MRTFB: variants seen among roughly 807,000 people sequenced by gnomAD.
The protein encoded by MRTFB is myocardin-related transcription factor B.
In MRTFB, 29 loss-of-function variants were observed where a neutral mutation model predicts 104.2. The observed-to-expected ratio is 0.28, with a 90% CI of 0.21 to 0.38. The LOEUF is 0.38. Ranked by LOEUF, MRTFB falls within the 10% of genes least tolerant of loss-of-function variation. The pLI, the probability that MRTFB is intolerant of heterozygous loss-of-function variation, is 1.00. For synonymous variants in MRTFB, 535 were observed against 519.5 expected (o/e 1.03, Z -0.41); for missense variants, 1,270 against 1,341.6 (o/e 0.95, Z 0.83).
intron 2 of MRTFB, among the ~76,000 whole-genome samples, chr16:14,106,853 T>G (rs978285692): frequency 6.6e-6 from 1 of 152,048 alleles, no homozygotes; most frequent in African/African-American, 2.4e-5. Context: ...GCTTCCAACT[T>G]AGTTGAGAAT....
intron 3 of MRTFB, among the ~76,000 whole-genome samples, chr16:14,157,952 A>C (rs1001156889): frequency 6.6e-6 from 1 of 152,180 alleles, no homozygotes; most frequent in Non-Finnish European, 1.5e-5. Context: ...TTGAAAATGT[A>C]ATTATTTGAA....
Position 14,083,939 on chromosome 16 carries a change from T to C in MRTFB, c.-64+4585T>C, listed in dbSNP as rs547287828. ...AGTATTTTTTTGAGATAACAAGGTT[T>C]CTAATTGGAATATACCTTTTAGGTT... On this transcript the variant is annotated intron_variant, in intron 2 of 16. Transcript: ENST00000571589. Among the ~76,000 whole-genome samples, 3 of 152,314 alleles carry C rather than the reference T, an allele frequency of 2.0e-5. No homozygotes were observed. The East Asian group carries it at 5.8e-4, about 29-fold the overall frequency.
chr16:14,079,202 T>C, intron 1 of MRTFB, 88 bp from the exon 2 acceptor site: 1 of 320,408 alleles, frequency 3.1e-6, no homozygotes. Context: ...CCAGTTTATC[T>C]TAGACTTCAC....
At chr16:14,227,735 C>T (rs2042073869) in intron 8 of MRTFB, among the ~76,000 whole-genome samples, 1 of 152,116 alleles carries the variant, frequency 6.6e-6, no homozygotes, top group Non-Finnish European at 1.5e-5. Flanking sequence ...TGGTCTCAAA[C>T]TCCTGACCTC....
rs756700929 is a variant in MRTFB at position 14,212,370 on chromosome 16, G to T, written c.237G>T (p.Ala79=). 1.5e-5 allele frequency: 24 copies of T among 1,613,732 alleles called. 1 individual carries two copies. The Middle Eastern group carries it at 1.8e-3, about 122-fold the overall frequency. The change falls in exon 5 of 17, where the codon GCG becomes GCT. Residue 79 remains alanine (A), a synonymous_variant. Coordinates refer to ENST00000571589, the MANE Select transcript of MRTFB (RefSeq NM_001308142.2). The stretch of plus-strand genomic sequence containing the variant: ...TTCTCACAGCTTTGAAGAGCCCAGC[G>T]GCATTCCATGAACAGATAAAAAGCT... ...QGIMPPLKSP[A]AFHEQIKSLE...
chr16:14,248,742 T>A, intron 12 of MRTFB, 184 bp from the exon 13 acceptor site: 1 of 576,114 alleles, frequency 1.7e-6, no homozygotes, highest in Non-Finnish European at 3.0e-6. Context: ...TGGTCTGATG[T>A]TTCCCTCTCT....
intron 9 of MRTFB, among the ~76,000 whole-genome samples, chr16:14,236,333 A>G (rs147655839): frequency 1.0e-4 from 16 of 152,382 alleles, no homozygotes; most frequent in Non-Finnish European, 2.4e-4. Context: ...TGATAATTAA[A>G]GTGATTTCCA....
chr16:14,076,447 G>A (rs550871525), intron 1 of MRTFB, among the ~76,000 whole-genome samples: 7 of 152,202 alleles, frequency 4.6e-5, no homozygotes, highest in South Asian at 4.2e-4. Flanking sequence ...CACCTGCATC[G>A]GCCTCCCAAA....
At chr16:14,242,416 ATTATT>A (rs2042813311) in intron 10 of MRTFB, among the ~76,000 whole-genome samples, 1 of 152,224 alleles carries the variant, frequency 6.6e-6, no homozygotes, top group Non-Finnish European at 1.5e-5. Context: ...ATTTTTGTGT[ATTATT>A]TAACCACAAA....
chr16:14,169,051 TAAATATATAGGAAGTTA>T (rs895200125), intron 3 of MRTFB, among the ~76,000 whole-genome samples: 1 of 152,210 alleles, frequency 6.6e-6, no homozygotes, highest in Non-Finnish European at 1.5e-5. Context: ...TAGTAATTTT[TAAATATATAGGAAGTTA>T]AAGAAGTGTT....
intron 9 of MRTFB, among the ~76,000 whole-genome samples, chr16:14,234,734 G>T (rs570079810): frequency 1.3e-3 from 197 of 152,228 alleles, no homozygotes; most frequent in Non-Finnish European, 1.4e-3. Context: ...GTTTGAGGCT[G>T]CAGTGAGCTG....
the MRTFB span, among the ~76,000 whole-genome samples, chr16:14,043,890 A>G: frequency 6.6e-6 from 1 of 152,218 alleles, no homozygotes; most frequent in African/African-American, 2.4e-5. Context: ...ATCAAGTGAG[A>G]AAACCTCAAT....
At chr16:14,099,335 G>T in intron 2 of MRTFB, among the ~76,000 whole-genome samples, 1 of 149,164 alleles carries the variant, frequency 6.7e-6, no homozygotes, top group African/African-American at 2.5e-5. Flanking sequence ...TATTAAAATA[G>T]TATTTTTTAA....
chr16:14,167,683 T>C (rs949189201), intron 3 of MRTFB, among the ~76,000 whole-genome samples: 2 of 152,102 alleles, frequency 1.3e-5, no homozygotes, highest in Non-Finnish European at 2.9e-5. Flanking sequence ...CTTTGTTTTT[T>C]GTTTTGTTTT....
At chr16:14,148,703 C>G (rs1318243070) in intron 3 of MRTFB, 1 of 152,644 alleles carries the variant, frequency 6.6e-6, no homozygotes, top group East Asian at 1.9e-4. Context: ...CTTCAGTCTC[C>G]TCTGCTGACT....
At chr16:14,184,072 TAAAAAAAAAAA>T (rs71757134) in intron 3 of MRTFB, among the ~76,000 whole-genome samples, 2 of 121,794 alleles carry the variant, frequency 1.6e-5, no homozygotes, top group African/African-American at 3.2e-5. Context: ...TCCTGAAATT[TAAAAAAAAAAA>T]AAAAAAAAAA....
At chr16:14,022,156 A>T in the MRTFB span, among the ~76,000 whole-genome samples, 1 of 152,204 alleles carries the variant, frequency 6.6e-6, no homozygotes, top group Non-Finnish European at 1.5e-5. Context: ...TTGCCATGTA[A>T]CATCACTTAC....
At chr16:14,078,176 C>T (rs1204156842) in intron 1 of MRTFB, among the ~76,000 whole-genome samples, 1 of 152,164 alleles carries the variant, frequency 6.6e-6, no homozygotes, top group Non-Finnish European at 1.5e-5. Flanking sequence ...CTGCATGTAG[C>T]TTGTCTGTCA....
intron 2 of MRTFB, among the ~76,000 whole-genome samples, chr16:14,093,294 T>C (rs1263910338): frequency 6.6e-6 from 1 of 152,128 alleles, no homozygotes; most frequent in Admixed American, 6.5e-5. Context: ...ATTACTTTTA[T>C]AGGCCAAGCA....
Sources: gnomAD v4.1 joint callset for allele counts (sites outside exome capture counted in the v4.1 genomes callset) on GRCh38, gnomAD v4.1.1 for gene constraint, MANE v1.5 for transcripts, NCBI Gene and HGNC (gene_info 2026-07-23, HGNC 2026-07-21) for gene names.